The following PCDHGA9 variants were observed in gnomAD, a reference collection of about 807,000 sequenced individuals.
PCDHGA9 encodes the protein protocadherin gamma subfamily A, 9, also known as protocadherin gamma-A9.
Under a neutral mutation model 62.5 loss-of-function variants are expected in PCDHGA9, and 37 were observed. That is an observed-to-expected ratio of 0.59 (90% CI 0.46 to 0.78). PCDHGA9 has a LOEUF of 0.78. Ranked by LOEUF, PCDHGA9 falls within the 30% of genes least tolerant of loss-of-function variation. PCDHGA9 has a pLI of 0.00. For synonymous variants in PCDHGA9, 459 were observed against 484.6 expected (o/e 0.95, Z 0.69); for missense variants, 1,138 against 1,166.2 (o/e 0.98, Z 0.35).
chr5:141,502,864 G>GGCTTTTTT (rs2099816401), intron 2 of PCDHGA9, among the ~76,000 whole-genome samples: 1 of 61,572 alleles, frequency 1.6e-5, no homozygotes, highest in Non-Finnish European at 3.0e-5. Flanking sequence ...CTGACTCTCT[G>GGCTTTTTT]TCTTTTTTTT....
In PCDHGA9 at chr5:141,403,896, A is replaced by T. The variant is rs2094466164; in HGVS notation, c.944A>T (p.Tyr315Phe). 6.2e-7 allele frequency: 1 copy of T among 1,613,866 alleles called. No individual in the cohort carries two copies. The change falls in exon 1 of 4, where the codon TAT becomes TTT. Residue 315 changes from tyrosine to phenylalanine, a missense_variant. Tyr to Phe is a conservative substitution (Grantham distance 22). Transcript: ENST00000573521. ...KSLDYEECSF[Y>F]EMEIQAEDGG... The stretch of plus-strand genomic sequence containing the variant: ...CTAGATTATGAAGAATGTTCATTTT[A>T]TGAAATGGAAATACAAGCTGAAGAT...
At chr5:141,510,873 T>A in intron 3 of PCDHGA9, 74 bp from the exon 4 acceptor site, 1 of 1,609,964 alleles carries the variant, frequency 6.2e-7, no homozygotes, top group Non-Finnish European at 8.5e-7. Flanking sequence ...ATTCATTAAC[T>A]GCTGGGGATA....
intron 1 of PCDHGA9, chr5:141,442,380 T>G (rs1235241143): frequency 2.6e-5 from 4 of 152,244 alleles, no homozygotes; most frequent in Non-Finnish European, 4.4e-5. Flanking sequence ...TCCTACCAGG[T>G]GTGTGCTTCT....
chr5:141,408,377 C>T (rs1322642798), intron 1 of PCDHGA9: 4 of 1,613,902 alleles, frequency 2.5e-6, no homozygotes, highest in Non-Finnish European at 3.4e-6. Context: ...GCTCAGTGTC[C>T]TGGATGTGTC....
chr5:141,421,149 C>T (rs1030911066), intron 1 of PCDHGA9: 1 of 1,086,106 alleles, frequency 9.2e-7, no homozygotes, highest in Non-Finnish European at 1.3e-6. Context: ...ATGTAGTCGG[C>T]CTAGGACTTC....
intron 1 of PCDHGA9, chr5:141,423,665 G>A: frequency 6.6e-7 from 1 of 1,512,226 alleles, no homozygotes; most frequent in Non-Finnish European, 8.9e-7. Flanking sequence ...AATCAGGTGA[G>A]ATTTATTTCT....
intron 1 of PCDHGA9, chr5:141,478,233 TG>T (rs1467423955): frequency 3.7e-6 from 6 of 1,614,126 alleles, no homozygotes; most frequent in Non-Finnish European, 5.1e-6. Flanking sequence ...GTGGGGTTTG[TG>T]GTCACAGTGT....
rs753473913 is a variant in PCDHGA9 at position 141,503,323 on chromosome 5, G to A, written c.2484-2070G>A. On this transcript the variant is annotated intron_variant, in intron 2 of 3. Transcript: ENST00000573521. The stretch of plus-strand genomic sequence containing the variant: ...CTCAAGAAAGAATTGTTGGAGGGGC[G>A]CGGTGGCTCACGCCTGTAATTCCAG... Among the ~76,000 whole-genome samples the A allele has an allele frequency of 2.0e-5, 3 of 152,214 alleles. No individual in the cohort carries two copies. In the Middle Eastern group the frequency reaches 0.01, roughly 518 times the overall value.
At chr5:141,448,449 T>C (rs528049717) in intron 1 of PCDHGA9, among the ~76,000 whole-genome samples, 1 of 152,284 alleles carries the variant, frequency 6.6e-6, no homozygotes, top group South Asian at 2.1e-4. Context: ...CTGACTTCCA[T>C]CCCTATCCTA....
Position 141,504,710 on chromosome 5 carries a change from G to A in PCDHGA9, c.2484-683G>A, listed in dbSNP as rs528205869. The stretch of plus-strand genomic sequence containing the variant: ...AGGAGGGGCAGGTTCTTCTATGGCC[G>A]TGGATTTTACTCTGAGGGCTTAGGA... On this transcript the variant is annotated intron_variant, in intron 2 of 3. Transcript: ENST00000573521. Among the ~76,000 whole-genome samples the A allele has an allele frequency of 1.4e-4, 21 of 151,968 alleles. No homozygotes were observed. The East Asian group carries it at 3.7e-3, about 27-fold the overall frequency.
At position 141,431,192 on chromosome 5, in the gene PCDHGA9, A is replaced by T. The variant is rs769745353; in HGVS notation, c.2424+25816A>T. 8.7e-6 allele frequency: 14 copies of T among 1,614,042 alleles called. No homozygotes were observed. Among genetic ancestry groups the T allele is most frequent in the African/African-American group, 2.7e-5 (2 of 74,912 alleles). On this transcript the variant is annotated intron_variant, in intron 1 of 3. Coordinates refer to ENST00000573521, the MANE Select transcript of PCDHGA9 (RefSeq NM_018921.3). This position sits in a 1 kb window ranked among gnomAD's most constrained non-coding sequence, Gnocchi z 4.8. ...TGAATTAGAAATAAAAATTAGTGAA[A>T]ATGCAGCCACTGAGATGCGGTTCCC...
rs1591227595 is a variant in PCDHGA9 at position 141,432,858 on chromosome 5, T to C, written c.2424+27482T>C. ...TACCTGGTGGTAGCGGTGGCCGCGG[T>C]CTCCTGCGTCTTCCTGGCCTTCGTC... On this transcript the variant is annotated intron_variant, in intron 1 of 3. Coordinates refer to ENST00000573521, the MANE Select transcript of PCDHGA9 (RefSeq NM_018921.3). This position sits in a 1 kb window ranked among gnomAD's most constrained non-coding sequence, Gnocchi z 6.0. The C allele has an allele frequency of 1.2e-6, 2 of 1,614,140 alleles. No individual in the cohort carries two copies. Among genetic ancestry groups the C allele is most frequent in the Non-Finnish European group, 8.5e-7 (1 of 1,179,996 alleles).
rs1406362621 is a variant in PCDHGA9, at chr5:141,477,099, G to A, written c.2425-17708G>A. On this transcript the variant is annotated intron_variant, in intron 1 of 3. Transcript: ENST00000573521. This position sits in a 1 kb window ranked among gnomAD's most constrained non-coding sequence, Gnocchi z 4.9. ...ATTTACATCCAGGCCAAAGACAAGG[G>A]CGCCAATCCCGAAGGAGCACATTGC... The A allele has an allele frequency of 6.2e-7, 1 of 1,614,256 alleles. No individual in the cohort carries two copies. Among genetic ancestry groups the A allele is most frequent in the Non-Finnish European group, 8.5e-7 (1 of 1,180,054 alleles).
At chr5:141,467,117 A>G (rs62379198) in intron 1 of PCDHGA9, among the ~76,000 whole-genome samples, 35,587 of 150,646 alleles carry the variant, frequency 0.24, 4,364 homozygotes, top group Admixed American at 0.32. Flanking sequence ...CAATGGTGCA[A>G]TCTCAGCTCA....
intron 1 of PCDHGA9, among the ~76,000 whole-genome samples, chr5:141,425,325 A>G (rs1371591408): frequency 6.6e-6 from 1 of 152,240 alleles, no homozygotes. Context: ...ATCGTGGAGA[A>G]CAAAAAGGAA....
chr5:141,497,825 C>T (rs1015168533), intron 2 of PCDHGA9, among the ~76,000 whole-genome samples: 3 of 152,154 alleles, frequency 2.0e-5, no homozygotes, highest in Admixed American at 6.5e-5. Context: ...CAGGTGTGAT[C>T]GCCCCCGGCC....
In PCDHGA9 at chr5:141,404,002, A is replaced by T; in HGVS notation, c.1050A>T (p.Thr350=). The part of the protein sequence containing the change: ...VNDNRPEVTI[T]SLFSPVREDA... ...ACAATAGACCTGAAGTGACCATTACATCTCTGTTTAGCCCAGTGAGAGAAG... is the reference window on the plus strand; with the variant it reads ...ACAATAGACCTGAAGTGACCATTACTTCTCTGTTTAGCCCAGTGAGAGAAG... Residue 350 remains threonine, a synonymous_variant, in exon 1 of 4, where the codon ACA becomes ACT. Coordinates refer to ENST00000573521, the MANE Select transcript of PCDHGA9 (RefSeq NM_018921.3). The T allele has an allele frequency of 6.2e-7, 1 of 1,613,928 alleles. No individual in the cohort carries two copies. The highest frequency in any genetic ancestry group is 8.5e-7 in the Non-Finnish European group (1 of 1,179,870).
intron 1 of PCDHGA9, among the ~76,000 whole-genome samples, chr5:141,472,242 A>T (rs1342571385): frequency 6.6e-6 from 1 of 152,186 alleles, no homozygotes; most frequent in East Asian, 1.9e-4. Flanking sequence ...TTCACTTTCT[A>T]TTTTAAAGTT....
rs766852982 is a variant in PCDHGA9, at chr5:141,486,907, A to G, written c.2425-7900A>G. ...CCCGGCCTGGTTCCTTATGTCCCCA[A>G]GCACTGCCTCCATCAGTTGGTGCTG... On this transcript the variant is annotated intron_variant, in intron 1 of 3. Coordinates refer to ENST00000573521, the MANE Select transcript of PCDHGA9 (RefSeq NM_018921.3). The surrounding 1 kb of genome is among the most constrained non-coding windows in gnomAD (Gnocchi z 5.0). 6.2e-5 allele frequency: 100 copies of G among 1,614,122 alleles called. No homozygotes were observed. The highest frequency in any genetic ancestry group is 8.0e-5 in the Non-Finnish European group (94 of 1,180,056).
Sources: gnomAD v4.1 joint callset for allele counts (sites outside exome capture counted in the v4.1 genomes callset) on GRCh38, gnomAD v4.1.1 for gene constraint, Gnocchi (gnomAD v3.1) non-coding constraint, MANE v1.5 for transcripts, NCBI Gene and HGNC (gene_info 2026-07-23, HGNC 2026-07-21) for gene names.